NCAPD2: variants seen among roughly 807,000 people sequenced by gnomAD.
NCAPD2 encodes condensin complex subunit 1.
A neutral mutation model predicts 164.5 loss-of-function variants in NCAPD2; 100 were observed. The observed-to-expected ratio is 0.61, with a 90% CI of 0.52 to 0.72. The LOEUF is 0.72. Ranked by LOEUF, NCAPD2 falls within the 30% of genes least tolerant of loss-of-function variation. The probability of loss-of-function intolerance (pLI) is 0.00; values close to 1 mark genes in which losing one functional copy is unlikely to be tolerated. For synonymous variants in NCAPD2, 585 were observed against 642.6 expected (o/e 0.91, Z 1.36); for missense variants, 1,560 against 1,749.2 (o/e 0.89, Z 1.93).
At chr12:6,504,307 T>C (rs918817145) in intron 2 of NCAPD2, among the ~76,000 whole-genome samples, 2 of 150,566 alleles carry the variant, frequency 1.3e-5, no homozygotes, top group African/African-American at 4.9e-5. Flanking sequence ...AAAATCTGCA[T>C]ATGTAAGTTT....
chr12:6,522,821 C>A lies in NCAPD2; in HGVS notation c.1955-7C>A. On this transcript the variant is annotated splice_polypyrimidine_tract_variant and splice_region_variant and intron_variant, in intron 15 of 31. Coordinates refer to ENST00000315579, the MANE Select transcript of NCAPD2 (RefSeq NM_014865.4). ...TAGATAGGTGACATTTGTACATGTT[C>A]TCTCAGTGGTGCAGGAGGTGATTGA... 1 of 1,613,240 alleles carries A rather than the reference C, an allele frequency of 6.2e-7. No homozygotes were observed.
At chr12:6,529,081 C>CG (rs1946347171) in intron 27 of NCAPD2, 42 bp downstream of exon 27, 1 of 1,552,096 alleles carries the variant, frequency 6.4e-7, no homozygotes, top group East Asian at 2.2e-5. Flanking sequence ...CCACATAGCA[C>CG]GGGCTTAGGA....
At chr12:6,522,550 A>T (rs550806896) in intron 15 of NCAPD2, among the ~76,000 whole-genome samples, 2 of 150,196 alleles carry the variant, frequency 1.3e-5, no homozygotes. Context: ...ATGCCACTGC[A>T]CTCTAGCCGG....
At chr12:6,523,104 C>G in intron 16 of NCAPD2, 102 bp downstream of exon 16, 3 of 1,495,256 alleles carry the variant, frequency 2.0e-6, no homozygotes, top group South Asian at 2.4e-5. Flanking sequence ...CAGGGGAGTT[C>G]CAGATCCATA....
chr12:6,501,056 C>CTTT (rs35142882), intron 2 of NCAPD2, among the ~76,000 whole-genome samples: 1 of 127,088 alleles, frequency 7.9e-6, no homozygotes, highest in Non-Finnish European at 1.7e-5. Flanking sequence ...GATTACAAGG[C>CTTT]TTTTTTTTTT....
chr12:6,530,879 TTTC>T lies in NCAPD2; in HGVS notation c.3965-33_3965-31del, dbSNP rs759115321. Reference sequence around the variant, plus strand: ...GGCCCTCCCCTCCTGCAGTGATTTGTTTCTTCTTCTTTTTTAAATCACGTTTTC... The same window carrying T: ...GGCCCTCCCCTCCTGCAGTGATTTGTTTCTTCTTTTTTAAATCACGTTTTC... On this transcript the variant is annotated intron_variant, in intron 30 of 31. Coordinates refer to ENST00000315579, the MANE Select transcript of NCAPD2 (RefSeq NM_014865.4). The T allele has an allele frequency of 4.1e-5, 66 of 1,613,024 alleles. No homozygotes were observed. The Middle Eastern group carries it at 5.0e-4, about 12-fold the overall frequency.
Position 6,516,887 on chromosome 12 carries a change from C to T in NCAPD2, c.1047C>T (p.Leu349=). ...AAMAEMVLQV[L]SGDQLEAAAR... ...TGGCGGAGATGGTGCTGCAGGTTCT[C>T]AGTGGCGATCAACTGGAAGCAGCAG... Residue 349 remains leucine (L), a synonymous_variant, in exon 10 of 32, where the codon CTC becomes CTT. Transcript: ENST00000315579. 6.2e-7 allele frequency: 1 copy of T among 1,614,158 alleles called. No homozygotes were observed. The highest frequency in any genetic ancestry group is 8.5e-7 in the Non-Finnish European group (1 of 1,180,034).
chr12:6,523,193 C>G (rs1946281230), intron 16 of NCAPD2, 69 bp from the exon 17 acceptor site: 1 of 1,526,534 alleles, frequency 6.6e-7, no homozygotes, highest in South Asian at 1.1e-5. Context: ...GTGGGATAGC[C>G]CTAATCACTG....
chr12:6,529,670 A>G lies in NCAPD2; in HGVS notation c.3653+77A>G. On this transcript the variant is annotated intron_variant, in intron 28 of 31. Transcript: ENST00000315579. ...AGAAAGGCCCATCCCTCACCCCTTC[A>G]ATGCCCCCACTGTGGCATCCCTGGG... 5 of 1,601,534 alleles carry G rather than the reference A, an allele frequency of 3.1e-6. No individual in the cohort carries two copies. The South Asian group carries it at 5.5e-5, about 18-fold the overall frequency.
At chr12:6,522,687 G>C (rs1324927572) in intron 15 of NCAPD2, 141 bp from the exon 16 acceptor site, 1 of 856,960 alleles carries the variant, frequency 1.2e-6, no homozygotes, top group Non-Finnish European at 1.9e-6. Context: ...TCATGATAAG[G>C]CATCATAGGA....
In NCAPD2 at chr12:6,531,641, A is replaced by C. The variant is rs1418544051; in HGVS notation, c.*229A>C. 5 of 731,408 alleles carry C rather than the reference A, an allele frequency of 6.8e-6. No individual in the cohort carries two copies. The East Asian group carries it at 1.7e-4, about 25-fold the overall frequency. The allele number at this position is 731,408 out of a possible 1,614,324, so 45.3% of individuals were successfully genotyped here. A position where few individuals can be genotyped will look rare whatever the true frequency, so the allele number is the denominator to read the frequency against. On this transcript the variant is annotated 3_prime_UTR_variant, in exon 32 of 32. Coordinates refer to ENST00000315579, the MANE Select transcript of NCAPD2 (RefSeq NM_014865.4). This position sits in a 1 kb window ranked among gnomAD's most constrained non-coding sequence, Gnocchi z 4.1. ...ACCAACATGGAGAAACCCCATCTCT[A>C]CTAAAAATAAAAAATTAGCCGGGCG...
chr12:6,513,715 C>CTTTTTTTTTTTGTTTTTTTTTTTTTTTTT (rs1946172285), intron 6 of NCAPD2, among the ~76,000 whole-genome samples: 1 of 74,892 alleles, frequency 1.3e-5, no homozygotes, highest in Non-Finnish European at 2.5e-5. Flanking sequence ...GTGACTTTGT[C>CTTTTTTTTTTTGTTTTTTTTTTTTTTTTT]TTTTTTTTTT....
chr12:6,527,444 A>C (rs1467938777), intron 22 of NCAPD2, among the ~76,000 whole-genome samples: 5 of 152,228 alleles, frequency 3.3e-5, no homozygotes, highest in Non-Finnish European at 7.3e-5. Context: ...CAGACAAATA[A>C]GACACAGAGC....
chr12:6,524,613 C>T (rs1448014055), intron 17 of NCAPD2, among the ~76,000 whole-genome samples: 2 of 139,654 alleles, frequency 1.4e-5, no homozygotes, highest in African/African-American at 5.5e-5. Flanking sequence ...TGCGCCACTG[C>T]ACTCCAGCCT....
At chr12:6,507,402 A>G (rs1415366288) in intron 2 of NCAPD2, among the ~76,000 whole-genome samples, 1 of 152,238 alleles carries the variant, frequency 6.6e-6, no homozygotes, top group East Asian at 1.9e-4. Context: ...ACATTCAAAC[A>G]AAGGATTCTT....
intron 2 of NCAPD2, among the ~76,000 whole-genome samples, chr12:6,506,858 A>G (rs889670499): frequency 6.6e-6 from 1 of 152,192 alleles, no homozygotes; most frequent in Non-Finnish European, 1.5e-5. Flanking sequence ...AGAAAGAAAG[A>G]AAAAATTCCA....
At chr12:6,512,197 G>A (rs968423078) in intron 6 of NCAPD2, among the ~76,000 whole-genome samples, 1 of 150,122 alleles carries the variant, frequency 6.7e-6, no homozygotes, top group African/African-American at 2.5e-5. Flanking sequence ...GCGTGAACCC[G>A]GGAGGTGGAG....
chr12:6,518,504 G>GTTTTTTTTTTTTTTTGTTTTTTT (rs1946227130), intron 13 of NCAPD2, among the ~76,000 whole-genome samples: 5 of 44,780 alleles, frequency 1.1e-4, no homozygotes, highest in Admixed American at 3.3e-4. Context: ...CCGTCAACAA[G>GTTTTTTTTTTTTTTTGTTTTTTT]TTTTTTTTTT....
chr12:6,497,496 T>G (rs1304880771), intron 2 of NCAPD2, among the ~76,000 whole-genome samples: 1 of 152,188 alleles, frequency 6.6e-6, no homozygotes, highest in South Asian at 2.1e-4. Context: ...TTCCCCTCCC[T>G]GTGTCCATGT....
Sources: gnomAD v4.1 joint callset for allele counts (sites outside exome capture counted in the v4.1 genomes callset) on GRCh38, gnomAD v4.1.1 for gene constraint, Gnocchi (gnomAD v3.1) non-coding constraint, MANE v1.5 for transcripts, NCBI Gene and HGNC (gene_info 2026-07-23, HGNC 2026-07-21) for gene names.